Variants in ZSCAN25 observed in about 807,000 individuals in gnomAD.
The protein encoded by ZSCAN25 is zinc finger and SCAN domain containing 25.
In ZSCAN25, 27 loss-of-function variants were observed where a neutral mutation model predicts 38.7. The observed-to-expected ratio is 0.70, with a 90% CI of 0.51 to 0.96. The LOEUF (loss-of-function observed/expected upper bound fraction) is 0.96, where lower values mean the gene tolerates loss of function less well. ZSCAN25 is among the 40% of genes least tolerant of loss of function. The pLI, the probability that ZSCAN25 is intolerant of heterozygous loss-of-function variation, is 0.00. For synonymous variants in ZSCAN25, 273 were observed against 277.7 expected, an observed-to-expected ratio of 0.98 and a Z score of 0.17; for missense variants, 637 against 705.9, an observed-to-expected ratio of 0.90 and a Z score of 1.11.
chr7:99,709,396 G>A, the ZSCAN25 span: 4 of 1,370,392 alleles, frequency 2.9e-6, no homozygotes, highest in African/African-American at 1.4e-5. Context: ...CATTCATAAA[G>A]TATTTTAATA....
the ZSCAN25 span, among the ~76,000 whole-genome samples, chr7:99,718,949 C>A: frequency 6.6e-6 from 1 of 152,286 alleles, no homozygotes; most frequent in East Asian, 1.9e-4. Context: ...TCCAACAAAA[C>A]ATGCACAGGA....
At chr7:99,643,827 C>T in the ZSCAN25 span, among the ~76,000 whole-genome samples, 2 of 151,484 alleles carry the variant, frequency 1.3e-5, no homozygotes, top group Non-Finnish European at 2.9e-5. Context: ...GCACACTGTG[C>T]AGGAGGGAGA....
chr7:99,669,165 A>G, the ZSCAN25 span, among the ~76,000 whole-genome samples: 1,297 of 152,350 alleles, frequency 8.5e-3, 97 homozygotes, highest in East Asian at 0.19. Context: ...AGATTGTTCA[A>G]TGAAAAGTGG....
the ZSCAN25 span, chr7:99,717,362 T>C: frequency 6.2e-7 from 1 of 1,605,212 alleles, no homozygotes; most frequent in South Asian, 1.1e-5. Flanking sequence ...AGTGACATTG[T>C]ATAATGAATT....
chr7:99,719,452 ATACCTTAT>A, the ZSCAN25 span, among the ~76,000 whole-genome samples: 1 of 152,208 alleles, frequency 6.6e-6, no homozygotes, highest in Non-Finnish European at 1.5e-5. Context: ...TCTAAATCTC[ATACCTTAT>A]ACAAAAAATA....
chr7:99,709,373 C>T, the ZSCAN25 span: 1 of 1,468,144 alleles, frequency 6.8e-7, no homozygotes, highest in Admixed American at 2.0e-5. Flanking sequence ...CTCATACTGG[C>T]AAAGGATTGT....
At chr7:99,691,990 C>T in the ZSCAN25 span, among the ~76,000 whole-genome samples, 1 of 152,110 alleles carries the variant, frequency 6.6e-6, no homozygotes, top group Admixed American at 6.6e-5. Context: ...TTCATAGCAT[C>T]GATGGTCTTT....
chr7:99,650,247 G>T, the ZSCAN25 span: 2 of 1,610,132 alleles, frequency 1.2e-6, no homozygotes, highest in Admixed American at 1.7e-5. Flanking sequence ...TTCCATATTG[G>T]TAGATTAAAT....
the ZSCAN25 span, among the ~76,000 whole-genome samples, chr7:99,673,776 G>A: frequency 1.3e-5 from 2 of 152,186 alleles, no homozygotes; most frequent in African/African-American, 4.8e-5. Context: ...GACAATGCAT[G>A]TGATAAAAGG....
chr7:99,646,424 AT>A, the ZSCAN25 span, among the ~76,000 whole-genome samples: 1 of 152,096 alleles, frequency 6.6e-6, no homozygotes, highest in African/African-American at 2.4e-5. Flanking sequence ...AGTGCTACCA[AT>A]TTTGTACGTT....
At chr7:99,725,065 T>A in the ZSCAN25 span, among the ~76,000 whole-genome samples, 1 of 152,098 alleles carries the variant, frequency 6.6e-6, no homozygotes, top group Non-Finnish European at 1.5e-5. Context: ...CAGGTATAGC[T>A]AGGTGAGATT....
At chr7:99,737,403 TG>T in the ZSCAN25 span, among the ~76,000 whole-genome samples, 6 of 152,220 alleles carry the variant, frequency 3.9e-5, no homozygotes, top group Admixed American at 1.3e-4. Flanking sequence ...TGGCACCCCC[TG>T]GGTTTTCTAG....
the ZSCAN25 span, among the ~76,000 whole-genome samples, chr7:99,653,986 A>G: frequency 9.2e-5 from 14 of 152,300 alleles, no homozygotes; most frequent in African/African-American, 3.4e-4. The surrounding 1 kb of genome is among the most constrained non-coding windows in gnomAD (Gnocchi z 4.2). Flanking sequence ...ACCTCAGACC[A>G]TAGCCAGACC....
chr7:99,635,327 C>T (rs910778860), downstream of ZSCAN25, among the ~76,000 whole-genome samples: 2 of 152,166 alleles, frequency 1.3e-5, no homozygotes, highest in Non-Finnish European at 1.5e-5. Context: ...AAACATACTG[C>T]AGTTTATAAA....
chr7:99,672,888 G>T, the ZSCAN25 span: 3 of 1,375,240 alleles, frequency 2.2e-6, no homozygotes, highest in Non-Finnish European at 2.8e-6. Context: ...ATGATGAAGG[G>T]TAATGTGGTC....
In ZSCAN25 at chr7:99,621,510, C is replaced by T; in HGVS notation, c.525C>T (p.Asp175=). 6.4e-7 allele frequency: 1 copy of T among 1,567,260 alleles called. No homozygotes were observed. The highest frequency in any genetic ancestry group is 8.7e-7 in the Non-Finnish European group (1 of 1,150,578). ...CTGGGGAAGGAGTTCAAGGTCCAGA[C>T]CCAGGTACCGAGGAGCAGCTCAGTC... ...MPPGEGVQGP[D]PGTEEQLSQD... The change falls in exon 5 of 8, where the codon GAC becomes GAT. Residue 175 remains aspartate, a synonymous_variant. Transcript: ENST00000394152.
chr7:99,703,161 T>A, the ZSCAN25 span, among the ~76,000 whole-genome samples: 2 of 152,266 alleles, frequency 1.3e-5, no homozygotes, highest in South Asian at 4.1e-4. Context: ...GTCTTTAGGT[T>A]TTTGCAAATA....
the ZSCAN25 span, chr7:99,673,024 T>C: frequency 3.2e-6 from 1 of 316,366 alleles, no homozygotes; most frequent in Non-Finnish European, 4.8e-6. Flanking sequence ...CTCTCCATAA[T>C]GTTTTATATG....
chr7:99,621,351 C>T (rs373677202), intron 4 of ZSCAN25, 22 bp from the exon 5 acceptor site: 15 of 1,332,980 alleles, frequency 1.1e-5, no homozygotes, highest in African/African-American at 9.0e-5. Context: ...TCATTCTAAT[C>T]GGTGTTGGGA....
Sources: allele counts gnomAD v4.1 joint callset (sites outside exome capture counted in the v4.1 genomes callset), GRCh38; gene constraint gnomAD v4.1.1; non-coding constraint Gnocchi (gnomAD v3.1); transcripts MANE v1.5; gene names NCBI Gene and HGNC (gene_info 2026-07-23, HGNC 2026-07-21).